ZNF25: variants seen among roughly 807,000 people sequenced by gnomAD.
ZNF25 encodes zinc finger protein 25 (KOX 19).
A neutral mutation model predicts 30.9 loss-of-function variants in ZNF25; 21 were observed. That is an observed-to-expected ratio of 0.68 (90% confidence interval 0.48 to 0.98). ZNF25 has a LOEUF of 0.98. ZNF25 is among the 50% of genes least tolerant of loss of function. The pLI, the probability that ZNF25 is intolerant of heterozygous loss-of-function variation, is 0.00. For missense variants in ZNF25, 501 were observed against 529.9 expected (o/e 0.95, Z 0.54); for synonymous variants, 169 against 181.3 (o/e 0.93, Z 0.55).
intron 2 of ZNF25, among the ~76,000 whole-genome samples, chr10:37,967,219 TTGCAAGG>T (rs2063233046): frequency 6.6e-6 from 1 of 152,102 alleles, no homozygotes; most frequent in African/African-American, 2.4e-5. Flanking sequence ...TCATACGGAA[TTGCAAGG>T]GGTCCCCAGT....
At chr10:37,968,240 C>T (rs2063296114) in intron 2 of ZNF25, among the ~76,000 whole-genome samples, 2 of 151,700 alleles carry the variant, frequency 1.3e-5, no homozygotes, top group South Asian at 4.2e-4. Flanking sequence ...GTATTTTTAA[C>T]AGACATGGAG....
chr10:37,963,646 A>G (rs1375204720), intron 2 of ZNF25, among the ~76,000 whole-genome samples: 1 of 152,122 alleles, frequency 6.6e-6, no homozygotes, highest in Non-Finnish European at 1.5e-5. Context: ...ATAATGAGTG[A>G]GTTCTGATTC....
rs1239539739 is a variant in ZNF25 at position 37,966,882 on chromosome 10, G to T, written c.15+4826C>A. Among the ~76,000 whole-genome samples, 2 of 152,196 alleles carry T rather than the reference G, an allele frequency of 1.3e-5. 1 individual carries two copies. Among genetic ancestry groups the T allele is most frequent in the Non-Finnish European group, 2.9e-5 (2 of 68,030 alleles). On this transcript the variant is annotated intron_variant, in intron 2 of 5. Transcript: ENST00000302609. Reference sequence around the variant, plus strand: ...CACTTTAAATAGATTAGACTCACGAGTTAAAGGTGGAGATTGACTGAATGG... The same window carrying T: ...CACTTTAAATAGATTAGACTCACGATTTAAAGGTGGAGATTGACTGAATGG...
chr10:37,952,627 A>G lies in ZNF25; in HGVS notation c.871T>C (p.Cys291Arg), dbSNP rs779444669. 3 of 1,613,852 alleles carry G rather than the reference A, an allele frequency of 1.9e-6. No homozygotes were observed. The highest frequency in any genetic ancestry group is 2.5e-6 in the Non-Finnish European group (3 of 1,179,970). ...GAATTCCTAGAGAAGAATTTCCCAC[A>G]TTCCTTACATTTATAGGGTTTCTCC... ...TGEKPYKCKE[C>R]GKFFSRNSHL... The change falls in exon 6 of 6, where the codon TGT (cysteine) becomes CGT (arginine). Residue 291 changes from cysteine to arginine, a missense_variant. By Grantham distance (180) the Cys-to-Arg change is radical. Transcript: ENST00000302609.
intron 2 of ZNF25, among the ~76,000 whole-genome samples, chr10:37,971,302 C>T (rs966735148): frequency 9.6e-5 from 13 of 135,678 alleles, no homozygotes; most frequent in Non-Finnish European, 7.8e-5. Flanking sequence ...GGCAACAGAG[C>T]GAGACTCCAT....
At chr10:37,972,455 A>G (rs1372839723) in intron 1 of ZNF25, among the ~76,000 whole-genome samples, 1 of 152,114 alleles carries the variant, frequency 6.6e-6, no homozygotes, top group Non-Finnish European at 1.5e-5. Context: ...GTACCATTCT[A>G]CTTCTATATA....
intron 1 of ZNF25, among the ~76,000 whole-genome samples, chr10:37,972,389 C>T (rs939846004): frequency 2.6e-5 from 4 of 152,128 alleles, no homozygotes; most frequent in Non-Finnish European, 4.4e-5. Flanking sequence ...GTCTTAGTTT[C>T]AATGCTTTTG....
chr10:37,954,049 T>C (rs886600413), intron 4 of ZNF25, among the ~76,000 whole-genome samples: 1 of 152,080 alleles, frequency 6.6e-6, no homozygotes, highest in Non-Finnish European at 1.5e-5. Context: ...GAGGAGAACA[T>C]AGGACATTCG....
At chr10:37,954,440 C>T (rs143408636) in intron 4 of ZNF25, among the ~76,000 whole-genome samples, 15 of 152,240 alleles carry the variant, frequency 9.9e-5, no homozygotes, top group African/African-American at 2.6e-4. Context: ...CAGAGGACCA[C>T]ATATATCCAA....
Position 37,971,735 on chromosome 10 carries a change from T to C in ZNF25, c.-13A>G. On this transcript the variant is annotated 5_prime_UTR_variant, in exon 2 of 6. Transcript: ENST00000302609. ...GGAACTTGTTCATTTTCTGCTGCTCTTGGGAAAGGCTGAAAACTGCAAAGC... is the reference window on the plus strand; with the variant it reads ...GGAACTTGTTCATTTTCTGCTGCTCCTGGGAAAGGCTGAAAACTGCAAAGC... The C allele has an allele frequency of 6.2e-7, 1 of 1,614,018 alleles. No homozygotes were observed. The highest frequency in any genetic ancestry group is 1.3e-5 in the African/African-American group (1 of 74,960).
At chr10:37,966,433 C>G (rs900566470) in intron 2 of ZNF25, among the ~76,000 whole-genome samples, 2 of 148,376 alleles carry the variant, frequency 1.3e-5, no homozygotes, top group African/African-American at 2.5e-5. Flanking sequence ...AAAAAAAAAA[C>G]TACCTGAGAC....
chr10:37,973,442 C>T (rs2063609145), intron 1 of ZNF25, among the ~76,000 whole-genome samples: 1 of 151,240 alleles, frequency 6.6e-6, no homozygotes, highest in South Asian at 2.1e-4. Flanking sequence ...GTGGCAAAAC[C>T]CTGTCTCCAC....
intron 2 of ZNF25, among the ~76,000 whole-genome samples, chr10:37,969,617 G>T (rs573125807): frequency 3.9e-5 from 6 of 152,314 alleles, no homozygotes; most frequent in East Asian, 1.9e-4. Context: ...GAGGGAGAGA[G>T]AACAGGGAAT....
intron 2 of ZNF25, among the ~76,000 whole-genome samples, chr10:37,969,562 T>C (rs918624525): frequency 1.3e-5 from 2 of 152,146 alleles, no homozygotes; most frequent in Non-Finnish European, 2.9e-5. Context: ...CTAGACTAGG[T>C]AGATCCATAG....
chr10:37,970,966 T>C (rs1198394585), intron 2 of ZNF25, among the ~76,000 whole-genome samples: 2 of 152,196 alleles, frequency 1.3e-5, no homozygotes, highest in African/African-American at 2.4e-5. Context: ...TCTCCAAACA[T>C]ATACCTCAGA....
intron 2 of ZNF25, among the ~76,000 whole-genome samples, chr10:37,970,146 C>G (rs539047303): frequency 2.3e-4 from 35 of 152,110 alleles, no homozygotes; most frequent in African/African-American, 8.5e-4. Flanking sequence ...TCTATCCCAA[C>G]CCCTAAAATC....
intron 2 of ZNF25, among the ~76,000 whole-genome samples, chr10:37,960,667 G>A (rs963166383): frequency 6.8e-6 from 1 of 146,064 alleles, no homozygotes; most frequent in Non-Finnish European, 1.5e-5. Context: ...GGGAACACCA[G>A]TATCCGAGAT....
intron 2 of ZNF25, among the ~76,000 whole-genome samples, chr10:37,962,450 C>A (rs1415486093): frequency 6.6e-6 from 1 of 152,080 alleles, no homozygotes; most frequent in South Asian, 2.1e-4. Context: ...ACTGAAAGAC[C>A]ATTTTCTGGG....
intron 2 of ZNF25, among the ~76,000 whole-genome samples, chr10:37,961,897 A>G (rs1302101716): frequency 1.4e-4 from 20 of 139,226 alleles, no homozygotes; most frequent in African/African-American, 5.2e-4. Flanking sequence ...CTCCAGCCTG[A>G]GCAACAAAGA....
Sources: allele counts gnomAD v4.1 joint callset (sites outside exome capture counted in the v4.1 genomes callset), GRCh38; gene constraint gnomAD v4.1.1; transcripts MANE v1.5; gene names NCBI Gene and HGNC (gene_info 2026-07-23, HGNC 2026-07-21).